The following NKAIN1 variants were observed in gnomAD, a reference collection of about 807,000 sequenced individuals.
The protein encoded by NKAIN1 is sodium/potassium transporting ATPase interacting 1, also known as sodium/potassium-transporting ATPase subunit beta-1-interacting protein 1.
NKAIN1 carries 13 observed loss-of-function variants against 31.6 expected under a neutral mutation model. The ratio of observed to expected loss-of-function variants is 0.41; its 90% CI spans 0.27 to 0.65. NKAIN1 has a LOEUF of 0.65. Ranked by LOEUF, NKAIN1 falls within the 30% of genes least tolerant of loss-of-function variation. The pLI, the probability that NKAIN1 is intolerant of heterozygous loss-of-function variation, is 0.30. For synonymous variants in NKAIN1, 104 were observed against 109.0 expected, an observed-to-expected ratio of 0.95 and a Z score of 0.28; for missense variants, 193 against 262.2, an observed-to-expected ratio of 0.74 and a Z score of 1.82.
intron 1 of NKAIN1, among the ~76,000 whole-genome samples, chr1:31,221,873 CATTTT>C (rs1216612099): frequency 2.6e-5 from 4 of 151,800 alleles, no homozygotes; most frequent in South Asian, 2.1e-4. Flanking sequence ...ATCAGAACTG[CATTTT>C]ATTTTATTTT....
In NKAIN1 at chr1:31,192,510, G is replaced by A. The variant is rs184088901; in HGVS notation, c.55-4323C>T. 4.2e-3 allele frequency among the ~76,000 whole-genome samples: 637 copies of A among 152,206 alleles called. 36 individuals are homozygous for A. The East Asian group carries it at 0.099, about 24-fold the overall frequency. ...TATTCAGGGCTATGACCCAGGCCTGGAAAAGGCCGTCTCTTCCTCCGATGG... is the reference window on the plus strand; with the variant it reads ...TATTCAGGGCTATGACCCAGGCCTGAAAAAGGCCGTCTCTTCCTCCGATGG... On this transcript the variant is annotated intron_variant, in intron 1 of 6. Transcript: ENST00000373736.
chr1:31,198,709 C>A (rs1053495410), intron 1 of NKAIN1, among the ~76,000 whole-genome samples: 1 of 151,896 alleles, frequency 6.6e-6, no homozygotes, highest in African/African-American at 2.4e-5. Context: ...CTTCCCCCTG[C>A]CCTTCGCTCC....
intron 1 of NKAIN1, among the ~76,000 whole-genome samples, chr1:31,228,243 G>C (rs925341589): frequency 6.6e-6 from 1 of 152,144 alleles, no homozygotes; most frequent in African/African-American, 2.4e-5. Flanking sequence ...TGTGGAACAT[G>C]CCCACCTCCT....
At chr1:31,182,243 C>G (rs920164468) in intron 5 of NKAIN1, among the ~76,000 whole-genome samples, 1 of 151,930 alleles carries the variant, frequency 6.6e-6, no homozygotes, top group Non-Finnish European at 1.5e-5. Context: ...GGAGAGAAGG[C>G]TCTCAGGGGC....
At chr1:31,227,894 G>A (rs934468512) in intron 1 of NKAIN1, among the ~76,000 whole-genome samples, 1 of 152,312 alleles carries the variant, frequency 6.6e-6, no homozygotes, top group African/African-American at 2.4e-5. Context: ...CCAGTGGGGT[G>A]TGTCAGAGTC....
At chr1:31,225,050 A>C (rs1645593056) in intron 1 of NKAIN1, among the ~76,000 whole-genome samples, 2 of 74,150 alleles carry the variant, frequency 2.7e-5, no homozygotes, top group African/African-American at 1.3e-4. Flanking sequence ...TTTTTTTGAG[A>C]CGGACTCTCA....
At chr1:31,210,568 C>T (rs376852901) in intron 1 of NKAIN1, among the ~76,000 whole-genome samples, 3 of 152,178 alleles carry the variant, frequency 2.0e-5, no homozygotes, top group East Asian at 3.9e-4. Context: ...GGATTACAGG[C>T]GTGAGCCCCC....
chr1:31,183,946 G>A lies in NKAIN1; in HGVS notation c.342C>T (p.Gly114=), dbSNP rs1343595996. Residue 114 remains glycine, a synonymous_variant, in exon 4 of 7, where the codon GGC becomes GGT. Coordinates refer to ENST00000373736, the MANE Select transcript of NKAIN1 (RefSeq NM_024522.3). ...AGTTCAGAACAGGTGTCACCAGGCAGCCTGGCCCATTCTCCATCCACCAGG... is the reference window on the plus strand; with the variant it reads ...AGTTCAGAACAGGTGTCACCAGGCAACCTGGCCCATTCTCCATCCACCAGG... ...HRSWWMENGP[G]CLVTPVLNSR... 1.2e-6 allele frequency: 2 copies of A among 1,614,162 alleles called. No individual in the cohort carries two copies. The highest frequency in any genetic ancestry group is 1.7e-6 in the Non-Finnish European group (2 of 1,180,032).
chr1:31,220,916 G>A (rs979431573), intron 1 of NKAIN1, among the ~76,000 whole-genome samples: 8 of 152,120 alleles, frequency 5.3e-5, no homozygotes, highest in African/African-American at 1.9e-4. Flanking sequence ...CACACTCCAT[G>A]TCCACACTCA....
chr1:31,224,312 G>GAAGCGGGAAGGGATGTTTATTGATCCAC (rs1553163930), intron 1 of NKAIN1, among the ~76,000 whole-genome samples: 1 of 152,196 alleles, frequency 6.6e-6, no homozygotes, highest in Non-Finnish European at 1.5e-5. Flanking sequence ...GAACAGGGAG[G>GAAGCGGGAAGGGATGTTTATTGATCCAC]AAGCGGGAAG....
chr1:31,208,631 G>T, intron 1 of NKAIN1, among the ~76,000 whole-genome samples: 1 of 78,370 alleles, frequency 1.3e-5, no homozygotes, highest in Admixed American at 1.5e-4. Context: ...CCACATAGTG[G>T]GGGGAGGGGG....
At chr1:31,228,823 G>A (rs1018694725) in intron 1 of NKAIN1, among the ~76,000 whole-genome samples, 3 of 151,698 alleles carry the variant, frequency 2.0e-5, no homozygotes, top group East Asian at 1.9e-4. Context: ...CTTGAACTCC[G>A]GGCCTCAAGT....
chr1:31,199,633 C>T (rs979349110), intron 1 of NKAIN1, among the ~76,000 whole-genome samples: 1 of 152,234 alleles, frequency 6.6e-6, no homozygotes, highest in South Asian at 2.1e-4. Flanking sequence ...CCTCCCTCTC[C>T]CCATCTCCGG....
chr1:31,215,070 C>T (rs1309682155), intron 1 of NKAIN1, among the ~76,000 whole-genome samples: 4 of 124,152 alleles, frequency 3.2e-5, no homozygotes, highest in Non-Finnish European at 7.5e-5. Context: ...CATGTGACCT[C>T]GTGGGAGGAG....
intron 1 of NKAIN1, among the ~76,000 whole-genome samples, chr1:31,219,940 G>C (rs981665222): frequency 1.3e-5 from 2 of 151,856 alleles, no homozygotes; most frequent in African/African-American, 4.8e-5. Context: ...TTTGTGCCTT[G>C]CTTGCACAGG....
chr1:31,200,140 G>A (rs1645368221), intron 1 of NKAIN1, among the ~76,000 whole-genome samples: 1 of 152,154 alleles, frequency 6.6e-6, no homozygotes, highest in African/African-American at 2.4e-5. Flanking sequence ...CTTTCTTCCA[G>A]GGCTTTTGCA....
At chr1:31,205,082 A>C (rs1431556205) in intron 1 of NKAIN1, among the ~76,000 whole-genome samples, 1 of 152,218 alleles carries the variant, frequency 6.6e-6, no homozygotes, top group Non-Finnish European at 1.5e-5. Context: ...TCAATGAGGT[A>C]ATGTGAATGA....
intron 1 of NKAIN1, among the ~76,000 whole-genome samples, chr1:31,197,104 CTTTTTTT>C (rs922550782): frequency 8.9e-5 from 12 of 134,582 alleles, no homozygotes; most frequent in African/African-American, 1.6e-4. Context: ...TGGATTTTTA[CTTTTTTT>C]TTTTTTTTTT....
intron 1 of NKAIN1, among the ~76,000 whole-genome samples, chr1:31,234,278 C>T (rs1467986270): frequency 6.6e-6 from 1 of 152,210 alleles, no homozygotes; most frequent in East Asian, 1.9e-4. Flanking sequence ...CAGAACCAGA[C>T]CCTCCCGAGG....
Sources: allele counts gnomAD v4.1 joint callset (sites outside exome capture counted in the v4.1 genomes callset), GRCh38; gene constraint gnomAD v4.1.1; transcripts MANE v1.5; gene names NCBI Gene and HGNC (gene_info 2026-07-23, HGNC 2026-07-21).